Variants in HYCC2 observed in about 807,000 individuals in gnomAD.
HYCC2 encodes the protein hyccin 2.
At chr2:201,022,205 A>C in the HYCC2 span, 1 of 620,002 alleles carries the variant, frequency 1.6e-6, no homozygotes, top group South Asian at 1.5e-5. Flanking sequence ...TGTATGTCAT[A>C]CTACTGTGTT....
At chr2:200,993,105 T>C in the HYCC2 span, 4 of 783,406 alleles carry the variant, frequency 5.1e-6, no homozygotes, top group East Asian at 5.1e-5. Flanking sequence ...TCCTCAAGTA[T>C]ATATTGAGTG....
chr2:200,988,583 T>C, the HYCC2 span, among the ~76,000 whole-genome samples: 1 of 152,198 alleles, frequency 6.6e-6, no homozygotes, highest in African/African-American at 2.4e-5. Flanking sequence ...GCTTTTCAAA[T>C]GAGAATTTCT....
At chr2:200,986,740 A>AT in the HYCC2 span, among the ~76,000 whole-genome samples, 1 of 152,326 alleles carries the variant, frequency 6.6e-6, no homozygotes, top group African/African-American at 2.4e-5. Flanking sequence ...GTGCATCAGG[A>AT]TAGCACATTT....
the HYCC2 span, among the ~76,000 whole-genome samples, chr2:201,004,433 A>AT: frequency 6.6e-6 from 1 of 152,154 alleles, no homozygotes; most frequent in African/African-American, 2.4e-5. Flanking sequence ...ATTTAGACAT[A>AT]TTTTTTGTAC....
At chr2:200,992,257 TAA>T in the HYCC2 span, 1 of 1,384,664 alleles carries the variant, frequency 7.2e-7, no homozygotes, top group Non-Finnish European at 1.0e-6. Flanking sequence ...GTATATTTAA[TAA>T]AGAGTTAAGA....
At chr2:201,061,158 G>T in the HYCC2 span, 1 of 151,956 alleles carries the variant, frequency 6.6e-6, no homozygotes, top group Non-Finnish European at 1.5e-5. Context: ...AGTTGGCTGG[G>T]TGTGGTGGTG....
the HYCC2 span, among the ~76,000 whole-genome samples, chr2:201,006,152 G>A: frequency 6.8e-6 from 1 of 147,598 alleles, no homozygotes; most frequent in Non-Finnish European, 1.5e-5. Flanking sequence ...TTTTGAGACG[G>A]AGTCTTGCTC....
chr2:200,976,802 T>C, the HYCC2 span: 1 of 152,150 alleles, frequency 6.6e-6, no homozygotes, highest in African/African-American at 2.4e-5. Context: ...TAAGGAAATA[T>C]TGCTTGCATT....
the HYCC2 span, chr2:200,992,418 G>A: frequency 7.3e-6 from 9 of 1,232,406 alleles, no homozygotes; most frequent in Middle Eastern, 9.3e-4. Flanking sequence ...CTAATCTTCA[G>A]CACAACTTTT....
the HYCC2 span, chr2:201,009,176 T>C: frequency 1.3e-6 from 1 of 741,594 alleles, no homozygotes; most frequent in Non-Finnish European, 2.2e-6. Context: ...TTCTTTTCCA[T>C]AAAAGGCAGT....
chr2:201,025,502 T>C, the HYCC2 span, among the ~76,000 whole-genome samples: 2 of 151,048 alleles, frequency 1.3e-5, no homozygotes, highest in Admixed American at 6.6e-5. Flanking sequence ...GACACAGAAG[T>C]ACAAAACAAA....
the HYCC2 span, among the ~76,000 whole-genome samples, chr2:201,052,596 ACT>A: frequency 6.6e-6 from 1 of 152,112 alleles, no homozygotes; most frequent in Non-Finnish European, 1.5e-5. Flanking sequence ...CAAGAGTGAG[ACT>A]CTGTCTCAAA....
At chr2:201,022,215 T>C in the HYCC2 span, 1 of 559,142 alleles carries the variant, frequency 1.8e-6, no homozygotes. Context: ...ACTACTGTGT[T>C]AATGGAAAGA....
the HYCC2 span, among the ~76,000 whole-genome samples, chr2:201,001,314 G>T: frequency 6.6e-6 from 1 of 152,036 alleles, no homozygotes; most frequent in Non-Finnish European, 1.5e-5. Flanking sequence ...GCAGAACTGT[G>T]AGCAATACAT....
At chr2:201,037,242 G>C in the HYCC2 span, among the ~76,000 whole-genome samples, 5 of 152,068 alleles carry the variant, frequency 3.3e-5, no homozygotes, top group African/African-American at 1.2e-4. Context: ...AAATAAAAGA[G>C]GGCATAAAAA....
chr2:201,043,917 G>A, the HYCC2 span, among the ~76,000 whole-genome samples: 1,440 of 152,174 alleles, frequency 9.5e-3, 16 homozygotes, highest in Non-Finnish European at 0.018. Flanking sequence ...ATGGGGTCTC[G>A]CTATCTTGCC....
the HYCC2 span, chr2:201,063,946 T>C: frequency 1.3e-6 from 2 of 1,597,408 alleles, no homozygotes; most frequent in Non-Finnish European, 1.7e-6. Flanking sequence ...GCAGAAGCTC[T>C]GGCCCCTATG....
the HYCC2 span, among the ~76,000 whole-genome samples, chr2:200,983,315 G>T: frequency 6.6e-6 from 1 of 151,982 alleles, no homozygotes; most frequent in African/African-American, 2.4e-5. Flanking sequence ...TGTTAGGAAA[G>T]AATCTAAACA....
chr2:201,002,501 A>T, the HYCC2 span, among the ~76,000 whole-genome samples: 1 of 151,974 alleles, frequency 6.6e-6, no homozygotes, highest in Admixed American at 6.6e-5. Flanking sequence ...ATTTGACAAT[A>T]TCTACTCCAA....
Sources: gnomAD v4.1 joint callset for allele counts (sites outside exome capture counted in the v4.1 genomes callset) on GRCh38, gnomAD v4.1.1 for gene constraint, MANE v1.5 for transcripts, NCBI Gene and HGNC (gene_info 2026-07-23, HGNC 2026-07-21) for gene names.